Variants in CENPC observed in about 807,000 individuals in gnomAD.
CENPC encodes the protein CENP-C 1.
A neutral mutation model predicts 112.1 loss-of-function variants in CENPC; 63 were observed. The ratio of observed to expected loss-of-function variants is 0.56; its 90% confidence interval spans 0.46 to 0.69. CENPC has a LOEUF of 0.69. Ranked by LOEUF, CENPC falls within the 30% of genes least tolerant of loss-of-function variation. CENPC has a pLI of 0.00. For synonymous variants in CENPC, 333 were observed against 367.6 expected, an observed-to-expected ratio of 0.91 and a Z score of 1.08; for missense variants, 1,000 against 1,103.8, an observed-to-expected ratio of 0.91 and a Z score of 1.33.
At chr4:67,519,115 C>T in intron 6 of CENPC, 102 bp downstream of exon 6, 1 of 808,354 alleles carries the variant, frequency 1.2e-6, no homozygotes. Context: ...TAATATTCCT[C>T]CTTCCTTAGT....
chr4:67,505,151 A>T, intron 12 of CENPC, 54 bp downstream of exon 12: 10 of 1,099,270 alleles, frequency 9.1e-6, no homozygotes, highest in Non-Finnish European at 1.3e-5. Context: ...AGCACTCCTT[A>T]CTCCATATTC....
chr4:67,494,732 T>C (rs1725383795), intron 13 of CENPC, among the ~76,000 whole-genome samples: 1 of 152,214 alleles, frequency 6.6e-6, no homozygotes, highest in East Asian at 1.9e-4. Context: ...AATCTTTACA[T>C]GGGCCTCTCC....
At chr4:67,518,432 C>T in intron 6 of CENPC, 64 bp from the exon 7 acceptor site, 1 of 1,431,096 alleles carries the variant, frequency 7.0e-7, no homozygotes, top group Non-Finnish European at 9.1e-7. Flanking sequence ...ATAAGTCTTC[C>T]TGAACTCCTT....
At chr4:67,503,123 GT>G (rs951089278) in intron 12 of CENPC, among the ~76,000 whole-genome samples, 4 of 152,082 alleles carry the variant, frequency 2.6e-5, no homozygotes, top group African/African-American at 9.7e-5. Context: ...ATCGCTCTTA[GT>G]AAAATTTTGC....
In CENPC at chr4:67,471,419, G is replaced by A. The variant is rs1724657519; in HGVS notation, c.*1186C>T. On this transcript the variant is annotated 3_prime_UTR_variant, in exon 19 of 19. Coordinates refer to ENST00000273853, the MANE Select transcript of CENPC (RefSeq NM_001812.4). ...TAGACATGTAAAAACATATGAAAGT[G>A]AAATATACTAAAGGAAAAAAAGCAT... The A allele has an allele frequency of 6.6e-6, 1 of 151,874 alleles. No homozygotes were observed. The highest frequency in any genetic ancestry group is 2.1e-4 in the South Asian group (1 of 4,816). The allele number at this position is 151,874 out of a possible 1,614,324, so 9.4% of individuals were successfully genotyped here.
At position 67,512,438 on chromosome 4, in the gene CENPC, G is replaced by A. The variant is rs930355130; in HGVS notation, c.1576C>T (p.Arg526Cys). 1.5e-5 allele frequency: 24 copies of A among 1,599,526 alleles called. No homozygotes were observed. Among genetic ancestry groups the A allele is most frequent in the Middle Eastern group, 1.7e-4 (1 of 6,002 alleles). Residue 526 changes from arginine to cysteine, a missense_variant, in exon 9 of 19, where the codon CGT becomes TGT. Transcript: ENST00000273853. ...TVTKSRRISR[R>C]PSDWWVVKSE... ...TTTACCACCCACCAATCAGATGGACGCCTGGAAATTCTTCGACTTTTCGTG... is the reference window on the plus strand; with the variant it reads ...TTTACCACCCACCAATCAGATGGACACCTGGAAATTCTTCGACTTTTCGTG...
intron 7 of CENPC, 57 bp downstream of exon 7, chr4:67,518,099 A>G (rs1726110514): frequency 3.2e-6 from 3 of 935,796 alleles, no homozygotes; most frequent in Non-Finnish European, 3.1e-6. Flanking sequence ...ATCCTTATAT[A>G]TGGTTCATAG....
rs543036683 is a variant in CENPC at position 67,470,883 on chromosome 4, G to C, written c.*1722C>G. ...ACCAAAGGTTACAGTCCTAGTTCTT[G>C]AAGAGCAACAGAGCAGCCAGACATT... On this transcript the variant is annotated 3_prime_UTR_variant, in exon 19 of 19. Transcript: ENST00000273853. The C allele has an allele frequency of 6.6e-6, 1 of 152,368 alleles. No homozygotes were observed. Among genetic ancestry groups the C allele is most frequent in the East Asian group, 1.9e-4 (1 of 5,182 alleles). 9.4% of individuals were successfully genotyped at this position (152,368 alleles called of 1,614,324 possible). A position where few individuals can be genotyped will look rare whatever the true frequency, so the allele number is the denominator to read the frequency against.
At chr4:67,532,411 G>T (rs1216528578) in intron 4 of CENPC, among the ~76,000 whole-genome samples, 1 of 152,140 alleles carries the variant, frequency 6.6e-6, no homozygotes, top group African/African-American at 2.4e-5. Flanking sequence ...ACATCCAAGG[G>T]ATTACAAATC....
At chr4:67,475,593 C>T (rs1401935973) in intron 17 of CENPC, among the ~76,000 whole-genome samples, 1 of 152,090 alleles carries the variant, frequency 6.6e-6, no homozygotes, top group East Asian at 1.9e-4. Context: ...ATAGATAATA[C>T]AAGAGTATTG....
intron 5 of CENPC, among the ~76,000 whole-genome samples, chr4:67,522,313 T>C (rs911933420): frequency 3.3e-5 from 5 of 152,220 alleles, no homozygotes; most frequent in African/African-American, 1.2e-4. Context: ...CTATTTGTTA[T>C]GTTCATGGAT....
At chr4:67,480,775 C>T (rs1020390583) in intron 17 of CENPC, among the ~76,000 whole-genome samples, 15 of 152,144 alleles carry the variant, frequency 9.9e-5, no homozygotes, top group African/African-American at 3.1e-4. Flanking sequence ...TCAGCAAAAT[C>T]GGCATAGAAG....
intron 17 of CENPC, among the ~76,000 whole-genome samples, chr4:67,479,411 C>A (rs1724894295): frequency 6.6e-6 from 1 of 152,086 alleles, no homozygotes; most frequent in South Asian, 2.1e-4. Flanking sequence ...AAGTCAACTC[C>A]AAAATGAACC....
At chr4:67,545,067 A>G (rs554380256) in intron 1 of CENPC, among the ~76,000 whole-genome samples, 30 of 152,264 alleles carry the variant, frequency 2.0e-4, no homozygotes, top group Non-Finnish European at 4.1e-4. Context: ...ACAAAAAAAA[A>G]CCCAGCAGAA....
intron 7 of CENPC, among the ~76,000 whole-genome samples, chr4:67,514,980 A>C (rs1469965084): frequency 2.0e-5 from 3 of 147,136 alleles, no homozygotes; most frequent in African/African-American, 7.5e-5. Flanking sequence ...CCAGAGAGAT[A>C]TAATTATAAC....
chr4:67,545,367 G>A lies in CENPC; in HGVS notation c.-12C>T, dbSNP rs1255761359. ...CCGGACGCAGCCATGTTCCGGCCCC[G>A]CTGAGCCAGCGCAACTGTCTGAGGT... On this transcript the variant is annotated 5_prime_UTR_variant, in exon 1 of 19. Transcript: ENST00000273853. 3 of 1,522,436 alleles carry A rather than the reference G, an allele frequency of 2.0e-6. No individual in the cohort carries two copies. The highest frequency in any genetic ancestry group is 2.7e-6 in the Non-Finnish European group (3 of 1,131,612). 94.3% of individuals were successfully genotyped at this position (1,522,436 alleles called of 1,614,324 possible).
At chr4:67,490,857 TATATATATATATATATATATAGAA>T (rs1163596685) in intron 16 of CENPC, among the ~76,000 whole-genome samples, 35 of 19,780 alleles carry the variant, frequency 1.8e-3, no homozygotes, top group African/African-American at 3.4e-3. Flanking sequence ...TATATATATA[TATATATATATATATATATATAGAA>T]ATATATAGAA....
At chr4:67,545,149 A>G (rs1016741439) in intron 1 of CENPC, among the ~76,000 whole-genome samples, 189 bp downstream of exon 1, 1 of 152,214 alleles carries the variant, frequency 6.6e-6, no homozygotes, top group Admixed American at 6.5e-5. Flanking sequence ...AGAAATAATA[A>G]AAGTACAGTA....
chr4:67,492,028 C>T (rs142455822), intron 16 of CENPC, among the ~76,000 whole-genome samples, 152 bp downstream of exon 16: 56 of 152,288 alleles, frequency 3.7e-4, no homozygotes, highest in African/African-American at 1.3e-3. Flanking sequence ...GTTGTCTTCA[C>T]ATAGGTTGCT....
Sources: allele counts gnomAD v4.1 joint callset (sites outside exome capture counted in the v4.1 genomes callset), GRCh38; gene constraint gnomAD v4.1.1; transcripts MANE v1.5; gene names NCBI Gene and HGNC (gene_info 2026-07-23, HGNC 2026-07-21).